Variants in NXN observed in about 807,000 individuals in gnomAD.
NXN encodes the protein nucleoredoxin.
A neutral mutation model predicts 48.6 loss-of-function variants in NXN; 16 were observed. That is an observed-to-expected ratio of 0.33 (90% CI 0.22 to 0.50). The LOEUF is 0.50. Ranked by LOEUF, NXN falls within the 20% of genes least tolerant of loss-of-function variation. NXN has a pLI of 0.98. For synonymous variants in NXN, 281 were observed against 269.6 expected, an observed-to-expected ratio of 1.04 and a Z score of -0.41; for missense variants, 492 against 605.5, an observed-to-expected ratio of 0.81 and a Z score of 1.97.
intron 1 of NXN, among the ~76,000 whole-genome samples, chr17:868,738 C>T (rs971182856): frequency 2.0e-5 from 3 of 152,090 alleles, no homozygotes; most frequent in Non-Finnish European, 2.9e-5. Context: ...GTGATCCGCC[C>T]GCCTCGGCCT....
In NXN at chr17:804,456, T is replaced by C. The variant is rs1457134980; in HGVS notation, c.1000+612A>G. On this transcript the variant is annotated intron_variant, in intron 6 of 7. Transcript: ENST00000336868. ...AGCCACCACACCCAGGCTCGTACAG[T>C]GATTTTGAGTTGTTGGAGGGGAGCC... Among the ~76,000 whole-genome samples the C allele has an allele frequency of 2.0e-5, 3 of 151,612 alleles. No individual in the cohort carries two copies. In the East Asian group the frequency reaches 5.8e-4, roughly 30 times the overall value.
intron 1 of NXN, among the ~76,000 whole-genome samples, chr17:840,657 G>A (rs774539061): frequency 5.9e-5 from 9 of 151,924 alleles, no homozygotes; most frequent in African/African-American, 1.5e-4. Flanking sequence ...GACTTCTTAC[G>A]TCTTAAGAGC....
chr17:940,297 T>A (rs1421979997), intron 1 of NXN, among the ~76,000 whole-genome samples: 1 of 152,032 alleles, frequency 6.6e-6, no homozygotes, highest in East Asian at 1.9e-4. Flanking sequence ...TTTCGCTATG[T>A]TGCCTAGGCA....
intron 5 of NXN, among the ~76,000 whole-genome samples, chr17:813,715 T>C (rs1024347001): frequency 6.6e-6 from 1 of 152,148 alleles, no homozygotes; most frequent in East Asian, 1.9e-4. Flanking sequence ...ACGCCTGTAA[T>C]CCCAGCACTT....
intron 1 of NXN, among the ~76,000 whole-genome samples, chr17:934,399 TAG>T (rs1211094909): frequency 6.7e-6 from 1 of 148,646 alleles, no homozygotes; most frequent in Non-Finnish European, 1.5e-5. Flanking sequence ...TGAGCCGAGA[TAG>T]CACCACTGCA....
Position 862,684 on chromosome 17 carries a change from G to C in NXN, c.361-36606C>G, listed in dbSNP as rs562236086. ...AAGGAGAAACTACCTTTACAAAGTA[G>C]AGTGATCTGGCAGACATTAGCTCAA... On this transcript the variant is annotated intron_variant, in intron 1 of 7. Coordinates refer to ENST00000336868, the MANE Select transcript of NXN (RefSeq NM_022463.5). 1.7e-4 allele frequency among the ~76,000 whole-genome samples: 26 copies of C among 152,360 alleles called. No individual in the cohort carries two copies. The South Asian group carries it at 5.4e-3, about 32-fold the overall frequency.
chr17:950,255 A>C (rs2069094130), intron 1 of NXN, among the ~76,000 whole-genome samples: 1 of 152,192 alleles, frequency 6.6e-6, no homozygotes, highest in Non-Finnish European at 1.5e-5. Flanking sequence ...CCAGGCAGGA[A>C]AGAATCAAGG....
In NXN at chr17:895,639, C is replaced by T. The variant is rs374142602; in HGVS notation, c.361-69561G>A. Reference sequence around the variant, plus strand: ...CATCCTGGCTAACACGGTGAAACCCCGTCTCTACTTAAAATACAAAAAAAA... The same window carrying T: ...CATCCTGGCTAACACGGTGAAACCCTGTCTCTACTTAAAATACAAAAAAAA... On this transcript the variant is annotated intron_variant, in intron 1 of 7. Transcript: ENST00000336868. Among the ~76,000 whole-genome samples, 341 of 112,396 alleles carry T rather than the reference C, an allele frequency of 3.0e-3. 2 individuals are homozygous for T. The highest frequency in any genetic ancestry group is 0.024 in the East Asian group (96 of 3,924). 73.7% of individuals were successfully genotyped at this position (112,396 alleles called of 152,430 possible).
intron 1 of NXN, among the ~76,000 whole-genome samples, chr17:943,762 T>C (rs2069009441): frequency 6.6e-6 from 1 of 150,684 alleles, no homozygotes; most frequent in Non-Finnish European, 1.5e-5. Flanking sequence ...GAGGCGGAGG[T>C]TGCAGGGAGC....
intron 5 of NXN, among the ~76,000 whole-genome samples, chr17:812,470 G>A (rs1439967374): frequency 6.6e-6 from 1 of 152,232 alleles, no homozygotes; most frequent in Non-Finnish European, 1.5e-5. Flanking sequence ...GGCACAGACA[G>A]ACTCAAACAG....
At chr17:801,811 G>T (rs1028281903) in intron 7 of NXN, among the ~76,000 whole-genome samples, 1 of 152,146 alleles carries the variant, frequency 6.6e-6, no homozygotes, top group Non-Finnish European at 1.5e-5. Flanking sequence ...CCCCACTGTG[G>T]GTTATCTGAG....
Position 932,895 on chromosome 17 carries a change from G to A in NXN, c.360+46424C>T, listed in dbSNP as rs892354184. ...ACTCCTGACCTCAGGTGATCCGCCC[G>A]CCTCGGCCTCCCTCAGTACTGGGAT... On this transcript the variant is annotated intron_variant, in intron 1 of 7. Coordinates refer to ENST00000336868, the MANE Select transcript of NXN (RefSeq NM_022463.5). The surrounding 1 kb of genome is among the most constrained non-coding windows in gnomAD (Gnocchi z 4.1). Among the ~76,000 whole-genome samples the A allele has an allele frequency of 3.3e-5, 5 of 152,170 alleles. No homozygotes were observed. The highest frequency in any genetic ancestry group is 5.9e-5 in the Non-Finnish European group (4 of 68,020).
intron 5 of NXN, among the ~76,000 whole-genome samples, chr17:811,643 C>T (rs1353496886): frequency 6.6e-6 from 1 of 152,170 alleles, no homozygotes; most frequent in African/African-American, 2.4e-5. Context: ...GCCCAGGGCA[C>T]CGAAGGAAGC....
At chr17:901,952 A>T (rs746586980) in intron 1 of NXN, among the ~76,000 whole-genome samples, 2 of 152,072 alleles carry the variant, frequency 1.3e-5, no homozygotes, top group East Asian at 1.9e-4. Context: ...CACCTGCCTC[A>T]GCCTCCCAAA....
intron 1 of NXN, among the ~76,000 whole-genome samples, chr17:851,643 C>T (rs1022384603): frequency 1.3e-5 from 2 of 152,202 alleles, no homozygotes; most frequent in Non-Finnish European, 2.9e-5. Context: ...CAAGCTCAGG[C>T]GTCCACATGT....
chr17:844,560 C>T (rs1258409448), intron 1 of NXN, among the ~76,000 whole-genome samples: 1 of 152,152 alleles, frequency 6.6e-6, no homozygotes, highest in Admixed American at 6.6e-5. Context: ...TAGGTTTCTA[C>T]GTACAAGGTT....
chr17:825,231 A>G lies in NXN; in HGVS notation c.478+730T>C. On this transcript the variant is annotated intron_variant, in intron 2 of 7. Transcript: ENST00000336868. The surrounding 1 kb of genome is among the most constrained non-coding windows in gnomAD (Gnocchi z 4.1). ...GATAGTGTCTCAAGAGAAAAAAAAAAAAAAAAAAGAAAAGCTTCACGCTTG... is the reference window on the plus strand; with the variant it reads ...GATAGTGTCTCAAGAGAAAAAAAAAGAAAAAAAAGAAAAGCTTCACGCTTG... 6.6e-6 allele frequency among the ~76,000 whole-genome samples: 1 copy of G among 151,960 alleles called. No homozygotes were observed. The highest frequency in any genetic ancestry group is 2.4e-5 in the African/African-American group (1 of 41,404).
At chr17:921,843 T>C (rs977823545) in intron 1 of NXN, among the ~76,000 whole-genome samples, 1 of 152,038 alleles carries the variant, frequency 6.6e-6, no homozygotes, top group South Asian at 2.1e-4. Context: ...AGGCCCAGGC[T>C]CTCTCCCTCA....
At chr17:964,166 A>G (rs954464395) in intron 1 of NXN, among the ~76,000 whole-genome samples, 2 of 152,224 alleles carry the variant, frequency 1.3e-5, no homozygotes, top group African/African-American at 4.8e-5. Flanking sequence ...TGCTGAGCAG[A>G]GGAATATAAA....
Sources: gnomAD v4.1 joint callset for allele counts (sites outside exome capture counted in the v4.1 genomes callset) on GRCh38, gnomAD v4.1.1 for gene constraint, Gnocchi (gnomAD v3.1) non-coding constraint, MANE v1.5 for transcripts, NCBI Gene and HGNC (gene_info 2026-07-23, HGNC 2026-07-21) for gene names.